ZNF503: variants seen among roughly 807,000 people sequenced by gnomAD.
The protein encoded by ZNF503 is zinc finger protein 503.
A neutral mutation model predicts 34.4 loss-of-function variants in ZNF503; 15 were observed. The ratio of observed to expected loss-of-function variants is 0.44; its 90% CI spans 0.29 to 0.67. The LOEUF (loss-of-function observed/expected upper bound fraction) is 0.67. ZNF503 is among the 30% of genes least tolerant of loss of function. The pLI, the probability that ZNF503 is intolerant of heterozygous loss-of-function variation, is 0.13. For missense variants in ZNF503, 1,007 were observed against 926.8 expected (o/e 1.09, Z -1.12); for synonymous variants, 580 against 456.8 (o/e 1.27, Z -3.44).
At chr10:75,319,593 TAGAA>T in the ZNF503 span, among the ~76,000 whole-genome samples, 589 of 152,146 alleles carry the variant, frequency 3.9e-3, 3 homozygotes, top group Non-Finnish European at 4.4e-3. Flanking sequence ...AGATAAAAAA[TAGAA>T]AGAACAAATG....
At chr10:75,384,785 T>C in the ZNF503 span, among the ~76,000 whole-genome samples, 1 of 152,184 alleles carries the variant, frequency 6.6e-6, no homozygotes, top group African/African-American at 2.4e-5. Context: ...GAGCCAGTTT[T>C]CCTCTGAGGT....
rs1843730531 is a variant in ZNF503, at chr10:75,398,492, T to C, written c.*257A>G. ...TCTCAATTATTTTTTCCTTTTTTTT[T>C]CTATAAAAAGTCAAATGATATTTTT... On this transcript the variant is annotated 3_prime_UTR_variant, in exon 2 of 2. Transcript: ENST00000372524. The C allele has an allele frequency of 2.7e-6, 1 of 376,874 alleles. No individual in the cohort carries two copies. Among genetic ancestry groups the C allele is most frequent in the East Asian group, 3.9e-5 (1 of 25,864 alleles). 23.3% of individuals were successfully genotyped at this position (376,874 alleles called of 1,614,324 possible).
the ZNF503 span, among the ~76,000 whole-genome samples, chr10:75,326,344 A>C: frequency 2.6e-5 from 4 of 152,062 alleles, no homozygotes; most frequent in Non-Finnish European, 4.4e-5. Flanking sequence ...CTGTGATCTT[A>C]ATCTGGTTAT....
the ZNF503 span, among the ~76,000 whole-genome samples, chr10:75,303,721 CTAGAGGGTGA>C: frequency 2.0e-5 from 3 of 152,128 alleles, no homozygotes; most frequent in Non-Finnish European, 4.4e-5. Context: ...AGATGGTGTG[CTAGAGGGTGA>C]GAATGTTACG....
At chr10:75,294,298 G>A in the ZNF503 span, among the ~76,000 whole-genome samples, 1 of 152,126 alleles carries the variant, frequency 6.6e-6, no homozygotes, top group Admixed American at 6.5e-5. Flanking sequence ...AGGGGCTGAG[G>A]CCAGGGCTGG....
At chr10:75,341,837 T>A in the ZNF503 span, among the ~76,000 whole-genome samples, 1 of 152,128 alleles carries the variant, frequency 6.6e-6, no homozygotes, top group African/African-American at 2.4e-5. Flanking sequence ...TCTTCCTGCT[T>A]CCCCCACTCC....
the ZNF503 span, among the ~76,000 whole-genome samples, chr10:75,305,643 G>T: frequency 6.6e-6 from 1 of 152,012 alleles, no homozygotes; most frequent in African/African-American, 2.4e-5. Flanking sequence ...TTACAAATCT[G>T]AAACTATAAC....
chr10:75,347,322 C>G, the ZNF503 span, among the ~76,000 whole-genome samples: 978 of 152,334 alleles, frequency 6.4e-3, 10 homozygotes, highest in African/African-American at 0.022. Flanking sequence ...AATGTGACCC[C>G]TCGACTTATT....
chr10:75,323,782 C>T, the ZNF503 span, among the ~76,000 whole-genome samples: 70 of 152,136 alleles, frequency 4.6e-4, 3 homozygotes, highest in African/African-American at 1.4e-3. Flanking sequence ...GGGCAGATCA[C>T]CAGAGGTCAG....
At chr10:75,374,086 G>C in the ZNF503 span, among the ~76,000 whole-genome samples, 1 of 152,234 alleles carries the variant, frequency 6.6e-6, no homozygotes, top group South Asian at 2.1e-4. Context: ...GACCGAGGCA[G>C]GTGGATTACT....
chr10:75,366,373 G>A, the ZNF503 span, among the ~76,000 whole-genome samples: 5 of 152,184 alleles, frequency 3.3e-5, no homozygotes, highest in East Asian at 1.9e-4. Flanking sequence ...AAAAAACACC[G>A]TCTGCTCATA....
intron 1 of ZNF503, 111 bp downstream of exon 1, chr10:75,400,994 G>A (rs762306919): frequency 1.9e-5 from 28 of 1,475,376 alleles, no homozygotes; most frequent in South Asian, 1.1e-4. Flanking sequence ...CCCCATTCGG[G>A]AGCTGAATCA....
the ZNF503 span, chr10:75,343,125 C>G: frequency 6.6e-6 from 1 of 152,232 alleles, no homozygotes; most frequent in African/African-American, 2.4e-5. Flanking sequence ...TTGCCACCTC[C>G]TGTGTGTGTC....
At chr10:75,376,521 G>A in the ZNF503 span, among the ~76,000 whole-genome samples, 1 of 152,134 alleles carries the variant, frequency 6.6e-6, no homozygotes, top group African/African-American at 2.4e-5. Context: ...GCACGCACCT[G>A]TATTTCCAGC....
At chr10:75,292,216 C>T in the ZNF503 span, among the ~76,000 whole-genome samples, 173 of 152,290 alleles carry the variant, frequency 1.1e-3, 3 homozygotes, top group African/African-American at 3.8e-3. Context: ...TGTACATATA[C>T]ATAAAAAGAG....
chr10:75,395,615 C>T (rs2131983582), downstream of ZNF503, among the ~76,000 whole-genome samples: 1 of 152,290 alleles, frequency 6.6e-6, no homozygotes, highest in East Asian at 1.9e-4. The surrounding 1 kb of genome is among the most constrained non-coding windows in gnomAD (Gnocchi z 4.4). Context: ...GCATTTGTCC[C>T]TCCGAGGAGG....
chr10:75,328,261 A>AT, the ZNF503 span, among the ~76,000 whole-genome samples: 6 of 151,866 alleles, frequency 4.0e-5, no homozygotes, highest in African/African-American at 1.5e-4. Flanking sequence ...ATTTATTTTA[A>AT]TTTTTTATAT....
chr10:75,319,328 G>A, the ZNF503 span, among the ~76,000 whole-genome samples: 3 of 152,146 alleles, frequency 2.0e-5, no homozygotes, highest in Non-Finnish European at 2.9e-5. Context: ...GTATATAAAG[G>A]AATTATTTAA....
chr10:75,319,786 G>T, the ZNF503 span, among the ~76,000 whole-genome samples: 1 of 152,120 alleles, frequency 6.6e-6, no homozygotes, highest in Non-Finnish European at 1.5e-5. Flanking sequence ...ACCGTAAAAG[G>T]CTAGAAAATG....
Sources: gnomAD v4.1 joint callset for allele counts (sites outside exome capture counted in the v4.1 genomes callset) on GRCh38, gnomAD v4.1.1 for gene constraint, Gnocchi (gnomAD v3.1) non-coding constraint, MANE v1.5 for transcripts, NCBI Gene and HGNC (gene_info 2026-07-23, HGNC 2026-07-21) for gene names.